DDX46: variants seen among roughly 807,000 people sequenced by gnomAD.
The protein encoded by DDX46 is DEAD-box helicase 46.
Under a neutral mutation model 134.9 loss-of-function variants are expected in DDX46, and 30 were observed. That is an observed-to-expected ratio of 0.22 (90% confidence interval 0.17 to 0.30). The LOEUF is 0.30. Among genes scored for constraint, DDX46 ranks in the 10% least tolerant of loss-of-function variants. The pLI is 1.00. For missense variants in DDX46, 622 were observed against 1,248.7 expected (o/e 0.50, Z 7.56); for synonymous variants, 415 against 404.1 (o/e 1.03, Z -0.32).
At chr5:134,772,558 C>T (rs1257520496) in intron 4 of DDX46, among the ~76,000 whole-genome samples, 1 of 152,096 alleles carries the variant, frequency 6.6e-6, no homozygotes, top group African/African-American at 2.4e-5. Flanking sequence ...GACATGAGGC[C>T]AGGTGCTGTG....
intron 2 of DDX46, 41 bp from the exon 3 acceptor site, chr5:134,766,876 C>G: frequency 6.3e-7 from 1 of 1,584,962 alleles, no homozygotes; most frequent in Non-Finnish European, 8.6e-7. Flanking sequence ...AATAGTAGCT[C>G]CATTTGGTCA....
intron 15 of DDX46, among the ~76,000 whole-genome samples, chr5:134,800,835 C>G (rs1263407383): frequency 6.6e-6 from 1 of 152,126 alleles, no homozygotes. Context: ...GCCACCTCGT[C>G]TCACTAATTT....
chr5:134,811,143 G>T lies in DDX46; in HGVS notation c.2149-78G>T, dbSNP rs1277947366. ...GTCAATCTCGAGGATTTATTAGGTG[G>T]ATCAGATTTTATCTTATGATCTAAG... On this transcript the variant is annotated intron_variant, in intron 16 of 22. Transcript: ENST00000452510. 4 of 1,273,774 alleles carry T rather than the reference G, an allele frequency of 3.1e-6. No individual in the cohort carries two copies. In the African/African-American group the frequency reaches 5.9e-5, roughly 19 times the overall value. The allele number at this position is 1,273,774 out of a possible 1,614,324, so 78.9% of individuals were successfully genotyped here.
intron 18 of DDX46, among the ~76,000 whole-genome samples, chr5:134,815,752 G>A (rs1442736912): frequency 6.7e-6 from 1 of 150,374 alleles, no homozygotes; most frequent in Non-Finnish European, 1.5e-5. Flanking sequence ...CTAGCAGTAG[G>A]GCTCATGTGA....
chr5:134,797,188 A>AACAAC (rs1754687607), intron 15 of DDX46: 1 of 286,936 alleles, frequency 3.5e-6, no homozygotes, highest in African/African-American at 2.5e-5. Flanking sequence ...AAAAAAAAAA[A>AACAAC]AAAAAAAAAC....
At chr5:134,764,839 ATC>A (rs1410507206) in intron 2 of DDX46, among the ~76,000 whole-genome samples, 2 of 128,854 alleles carry the variant, frequency 1.6e-5, no homozygotes, top group East Asian at 2.3e-4. Context: ...CCCTTCCTCC[ATC>A]TCTCTCTTCC....
intron 21 of DDX46, among the ~76,000 whole-genome samples, chr5:134,821,755 C>T (rs919856450): frequency 7.3e-5 from 11 of 151,504 alleles, no homozygotes; most frequent in Non-Finnish European, 1.5e-4. Context: ...TGGGGTTTCA[C>T]CATGTTGGCC....
intron 15 of DDX46, among the ~76,000 whole-genome samples, chr5:134,804,003 G>A (rs1754910423): frequency 1.4e-5 from 2 of 143,712 alleles, no homozygotes; most frequent in Non-Finnish European, 3.0e-5. Context: ...TGTGATCACA[G>A]CTTACTGCAT....
At chr5:134,778,796 A>G (rs1580784428) in intron 6 of DDX46, among the ~76,000 whole-genome samples, 1 of 151,310 alleles carries the variant, frequency 6.6e-6, no homozygotes, top group African/African-American at 2.4e-5. Flanking sequence ...CTGGTCTCGA[A>G]CTCCCGACCT....
At chr5:134,764,471 C>T (rs1419004721) in intron 2 of DDX46, among the ~76,000 whole-genome samples, 3 of 151,990 alleles carry the variant, frequency 2.0e-5, no homozygotes, top group African/African-American at 4.8e-5. Context: ...TTAAAAGAGA[C>T]GGTGTTTTGC....
chr5:134,817,399 A>G lies in DDX46; in HGVS notation c.2614-97A>G, dbSNP rs7735091. The G allele has an allele frequency of 4.2e-3, 5,005 of 1,200,118 alleles. 90 individuals are homozygous for G. In the African/African-American group the frequency reaches 0.052, roughly 13 times the overall value. The allele number at this position is 1,200,118 out of a possible 1,614,324, so 74.3% of individuals were successfully genotyped here. On this transcript the variant is annotated intron_variant, in intron 19 of 22. Coordinates refer to ENST00000452510, the MANE Select transcript of DDX46 (RefSeq NM_001300860.2). ...AAAGGTTTATTTATTAAACTTGCAT[A>G]CAAAGTTAGTAGCTTTTCAGAGAAT...
intron 21 of DDX46, chr5:134,825,713 A>G (rs917567714): frequency 1.3e-5 from 2 of 152,012 alleles, no homozygotes; most frequent in Non-Finnish European, 2.9e-5. Flanking sequence ...ACTCACTGGC[A>G]TTGTCCATTG....
At chr5:134,761,119 A>G (rs1580765505) in intron 1 of DDX46, among the ~76,000 whole-genome samples, 1 of 151,698 alleles carries the variant, frequency 6.6e-6, no homozygotes, top group Non-Finnish European at 1.5e-5. Context: ...TATGCTTCCC[A>G]GGTTCAAGAG....
intron 21 of DDX46, among the ~76,000 whole-genome samples, chr5:134,821,039 GT>G (rs775510506): frequency 1.0e-3 from 127 of 127,186 alleles, no homozygotes; most frequent in Admixed American, 1.6e-3. Flanking sequence ...GCTAATTTTC[GT>G]TTTTTTTTTT....
chr5:134,803,918 C>CTTTT (rs201944776), intron 15 of DDX46, among the ~76,000 whole-genome samples: 215 of 94,770 alleles, frequency 2.3e-3, no homozygotes, highest in East Asian at 2.5e-3. Flanking sequence ...GATGATTCTT[C>CTTTT]TTTTTTTTTT....
chr5:134,807,539 G>A (rs747125592), intron 15 of DDX46, among the ~76,000 whole-genome samples: 7 of 152,146 alleles, frequency 4.6e-5, no homozygotes, highest in Non-Finnish European at 8.8e-5. Flanking sequence ...ATAGAAGAAA[G>A]GGGGCAATAC....
chr5:134,759,078 C>A, intron 1 of DDX46, 123 bp downstream of exon 1: 1 of 1,452,756 alleles, frequency 6.9e-7, no homozygotes, highest in Non-Finnish European at 9.2e-7. Flanking sequence ...AGCGCTGCCC[C>A]GCGAGCATTG....
chr5:134,808,009 G>A, intron 16 of DDX46, 68 bp downstream of exon 16: 1 of 1,389,718 alleles, frequency 7.2e-7, no homozygotes, highest in Non-Finnish European at 9.7e-7. Context: ...AGTATTTCAA[G>A]GAGTAGATAA....
At chr5:134,804,925 TG>T in intron 15 of DDX46, 1 of 347,272 alleles carries the variant, frequency 2.9e-6, no homozygotes, top group Non-Finnish European at 5.7e-6. Context: ...TTTTTTGTTT[TG>T]GACATTCACG....
Sources: gnomAD v4.1 joint callset for allele counts (sites outside exome capture counted in the v4.1 genomes callset) on GRCh38, gnomAD v4.1.1 for gene constraint, MANE v1.5 for transcripts, NCBI Gene and HGNC (gene_info 2026-07-23, HGNC 2026-07-21) for gene names.